The following MAGED2 variants were observed in gnomAD, a reference collection of about 807,000 sequenced individuals.
MAGED2 encodes MAGE family member D2.
A neutral mutation model predicts 41.7 loss-of-function variants in MAGED2; 6 were observed. The ratio of observed to expected loss-of-function variants is 0.14; its 90% CI spans 0.08 to 0.28. The LOEUF (loss-of-function observed/expected upper bound fraction) is 0.28, where lower values mean the gene tolerates loss of function less well. Ranked by LOEUF, MAGED2 falls within the 10% of genes least tolerant of loss-of-function variation. MAGED2 has a pLI of 1.00. For synonymous variants in MAGED2, 146 were observed against 178.2 expected, an observed-to-expected ratio of 0.82 and a Z score of 1.44; for missense variants, 343 against 486.4, an observed-to-expected ratio of 0.71 and a Z score of 2.77.
intron 7 of MAGED2, 145 bp downstream of exon 7, chrX:54,812,396 G>A: frequency 2.5e-6 from 1 of 405,751 alleles, no homozygotes; most frequent in Non-Finnish European, 4.3e-6. Flanking sequence ...ATGCATAGTT[G>A]GAGCCCTGCT....
Sources: gnomAD v4.1 joint callset for allele counts on GRCh38, gnomAD v4.1.1 for gene constraint, MANE v1.5 for transcripts, NCBI Gene and HGNC (gene_info 2026-07-23, HGNC 2026-07-21) for gene names.